ANAPC10: variants seen among roughly 807,000 people sequenced by gnomAD.
ANAPC10 encodes the protein anaphase-promoting complex subunit 10.
In ANAPC10, 12 loss-of-function variants were observed where a neutral mutation model predicts 22.0. The observed-to-expected ratio is 0.55, with a 90% confidence interval of 0.35 to 0.88. The LOEUF (loss-of-function observed/expected upper bound fraction) is 0.88, where lower values mean the gene tolerates loss of function less well. ANAPC10 is among the 40% of genes least tolerant of loss of function. The probability of loss-of-function intolerance (pLI) is 0.01; values close to 1 mark genes in which losing one functional copy is unlikely to be tolerated. For synonymous variants in ANAPC10, 65 were observed against 69.5 expected, an observed-to-expected ratio of 0.94 and a Z score of 0.32; for missense variants, 188 against 220.9, an observed-to-expected ratio of 0.85 and a Z score of 0.94.
intron 4 of ANAPC10, among the ~76,000 whole-genome samples, chr4:145,021,585 G>A (rs559471462): frequency 3.2e-4 from 48 of 152,086 alleles, no homozygotes; most frequent in Middle Eastern, 6.8e-3. Context: ...GAAGATTAAC[G>A]TTGGAAAAAC....
At chr4:145,014,001 C>A (rs911177746) in intron 4 of ANAPC10, among the ~76,000 whole-genome samples, 5 of 152,038 alleles carry the variant, frequency 3.3e-5, no homozygotes, top group African/African-American at 9.7e-5. Context: ...GGGCGGCCAG[C>A]GGTGCGGAGA....
At chr4:145,065,895 T>C (rs1743603464) in intron 3 of ANAPC10, among the ~76,000 whole-genome samples, 1 of 152,002 alleles carries the variant, frequency 6.6e-6, no homozygotes, top group Non-Finnish European at 1.5e-5. Context: ...GATGGGACCA[T>C]AGGAGATCTT....
At chr4:145,055,211 G>C (rs911761042) in intron 4 of ANAPC10, among the ~76,000 whole-genome samples, 1 of 152,090 alleles carries the variant, frequency 6.6e-6, no homozygotes, top group Non-Finnish European at 1.5e-5. Flanking sequence ...GAGATGAATA[G>C]ATAAGCAAAA....
chr4:145,012,836 G>A (rs942366512), intron 4 of ANAPC10, among the ~76,000 whole-genome samples: 7 of 152,096 alleles, frequency 4.6e-5, no homozygotes, highest in African/African-American at 1.7e-4. Context: ...CTGTGTCCCT[G>A]CCCAAATCTC....
In ANAPC10 at chr4:145,053,405, C is replaced by T. The variant is rs530732861; in HGVS notation, c.327+11167G>A. On this transcript the variant is annotated intron_variant, in intron 4 of 4. Coordinates refer to ENST00000507656, the MANE Select transcript of ANAPC10 (RefSeq NM_001256706.2). ...TCATGGTAAGTGCTTAGAAAGCTTC[C>T]TCTACGTACTGCCTCTGTCCTACTT... is the stretch of plus-strand genomic sequence containing the variant. Among the ~76,000 whole-genome samples, 26 of 152,276 alleles carry T rather than the reference C, an allele frequency of 1.7e-4. 1 individual carries two copies. In the South Asian group the frequency reaches 5.4e-3, roughly 32 times the overall value.
chr4:145,044,449 T>A (rs1739989869), intron 4 of ANAPC10, among the ~76,000 whole-genome samples: 1 of 152,054 alleles, frequency 6.6e-6, no homozygotes, highest in African/African-American at 2.4e-5. Flanking sequence ...AAATTCTCCT[T>A]TCTATCCTTT....
At chr4:145,088,390 A>T (rs953942100) in intron 2 of ANAPC10, among the ~76,000 whole-genome samples, 2 of 152,182 alleles carry the variant, frequency 1.3e-5, no homozygotes, top group African/African-American at 4.8e-5. Flanking sequence ...TAAACATTTC[A>T]ACTAGAAAAA....
At chr4:145,092,944 C>A (rs1365871838) in intron 2 of ANAPC10, among the ~76,000 whole-genome samples, 1 of 152,168 alleles carries the variant, frequency 6.6e-6, no homozygotes, top group Non-Finnish European at 1.5e-5. Flanking sequence ...AAACTCTTTA[C>A]CACAAAAGAC....
intron 3 of ANAPC10, among the ~76,000 whole-genome samples, chr4:145,070,282 A>G (rs1228341669): frequency 6.6e-6 from 1 of 152,230 alleles, no homozygotes; most frequent in Non-Finnish European, 1.5e-5. Context: ...GGCAAAGTTG[A>G]GCAATTGCAG....
At chr4:145,075,192 T>C (rs1322070806) in intron 3 of ANAPC10, among the ~76,000 whole-genome samples, 1 of 152,114 alleles carries the variant, frequency 6.6e-6, no homozygotes, top group Non-Finnish European at 1.5e-5. Flanking sequence ...ACACTGTTAA[T>C]TGAAACTAAA....
intron 4 of ANAPC10, among the ~76,000 whole-genome samples, chr4:145,045,946 A>C (rs1740235488): frequency 6.6e-6 from 1 of 152,168 alleles, no homozygotes; most frequent in Admixed American, 6.6e-5. Flanking sequence ...CATATGTTCT[A>C]GCAAAAATTA....
chr4:144,997,131 C>G (rs1339086614), intron 4 of ANAPC10, among the ~76,000 whole-genome samples: 1 of 152,292 alleles, frequency 6.6e-6, no homozygotes, highest in South Asian at 2.1e-4. Context: ...CTGAAAGTGA[C>G]GGCCAGAATG....
intron 2 of ANAPC10, among the ~76,000 whole-genome samples, chr4:145,095,078 GAATAGTAAAGAA>G (rs1748309593): frequency 6.6e-6 from 1 of 152,012 alleles, no homozygotes; most frequent in Non-Finnish European, 1.5e-5. Flanking sequence ...TCTAACTAGG[GAATAGTAAAGAA>G]ATTGGACAGA....
chr4:144,995,682 A>G lies in ANAPC10; in HGVS notation c.328-79T>C, dbSNP rs1165126160. The G allele has an allele frequency of 1.1e-5, 10 of 915,216 alleles. No individual in the cohort carries two copies. In the South Asian group the frequency reaches 1.8e-4, roughly 16 times the overall value. 56.7% of individuals were successfully genotyped at this position (915,216 alleles called of 1,614,324 possible). A position where few individuals can be genotyped will look rare whatever the true frequency, so the allele number is the denominator to read the frequency against. On this transcript the variant is annotated intron_variant, in intron 4 of 4. Coordinates refer to ENST00000507656, the MANE Select transcript of ANAPC10 (RefSeq NM_001256706.2). ...AACAATGAATGCATTCTATAATAAA[A>G]TAACTTATAATTAACATTTTGCTCA...
intron 4 of ANAPC10, among the ~76,000 whole-genome samples, chr4:145,016,054 T>C (rs894500759): frequency 1.3e-5 from 2 of 152,158 alleles, no homozygotes; most frequent in African/African-American, 4.8e-5. Flanking sequence ...CTTTGAAAAC[T>C]GGCACGAGAC....
intron 4 of ANAPC10, among the ~76,000 whole-genome samples, chr4:145,042,057 A>C (rs1739598180): frequency 6.6e-6 from 1 of 152,178 alleles, no homozygotes; most frequent in Non-Finnish European, 1.5e-5. Context: ...CATTTTACCA[A>C]ATTTTAACCT....
At chr4:145,015,182 C>CA (rs1734916355) in intron 4 of ANAPC10, among the ~76,000 whole-genome samples, 1 of 151,484 alleles carries the variant, frequency 6.6e-6, no homozygotes, top group African/African-American at 2.4e-5. Context: ...CAAGGAAATC[C>CA]AAAAAATGAT....
chr4:144,998,720 G>A (rs1732021526), intron 4 of ANAPC10, among the ~76,000 whole-genome samples: 1 of 152,026 alleles, frequency 6.6e-6, no homozygotes, highest in South Asian at 2.1e-4. Flanking sequence ...AGAGAAGCAA[G>A]AGCAAACACA....
intron 4 of ANAPC10, among the ~76,000 whole-genome samples, chr4:145,061,896 T>G (rs989758286): frequency 1.6e-4 from 24 of 150,842 alleles, no homozygotes; most frequent in Non-Finnish European, 2.7e-4. Context: ...TCACTTGAGG[T>G]CAGGAGTTTG....
Sources: allele counts gnomAD v4.1 joint callset (sites outside exome capture counted in the v4.1 genomes callset), GRCh38; gene constraint gnomAD v4.1.1; transcripts MANE v1.5; gene names NCBI Gene and HGNC (gene_info 2026-07-23, HGNC 2026-07-21).